Variants in DPP6 observed in about 807,000 individuals in gnomAD.
DPP6 encodes A-type potassium channel modulatory protein DPP6.
In DPP6, 69 loss-of-function variants were observed where a neutral mutation model predicts 122.6. That is an observed-to-expected ratio of 0.56 (90% CI 0.46 to 0.69). The LOEUF is 0.69. DPP6 is among the 30% of genes least tolerant of loss of function. The pLI is 0.00. For synonymous variants in DPP6, 418 were observed against 433.1 expected (o/e 0.97, Z 0.43); for missense variants, 928 against 1,116.9 (o/e 0.83, Z 2.41).
intron 1 of DPP6, among the ~76,000 whole-genome samples, chr7:154,320,001 AATATATATATATATAT>A (rs71182894): frequency 1.4e-5 from 2 of 139,314 alleles, no homozygotes; most frequent in East Asian, 4.3e-4. Context: ...AAATATTTCA[AATATATATATATATAT>A]ATATATATAT....
At chr7:154,799,950 A>G (rs1365954103) in intron 12 of DPP6, among the ~76,000 whole-genome samples, 1 of 152,246 alleles carries the variant, frequency 6.6e-6, no homozygotes, top group African/African-American at 2.4e-5. Context: ...TAGAGATGAC[A>G]TCACAACGGT....
chr7:154,700,674 C>T (rs988239208), intron 7 of DPP6, among the ~76,000 whole-genome samples: 1 of 152,130 alleles, frequency 6.6e-6, no homozygotes, highest in Non-Finnish European at 1.5e-5. Context: ...GTTGACCTAG[C>T]GAAGAAAATG....
At chr7:154,231,716 G>A (rs1252235713) in intron 1 of DPP6, among the ~76,000 whole-genome samples, 2 of 152,106 alleles carry the variant, frequency 1.3e-5, no homozygotes, top group African/African-American at 4.8e-5. Flanking sequence ...TCTCTCTCCT[G>A]GAGCACTTGC....
intron 5 of DPP6, among the ~76,000 whole-genome samples, chr7:154,629,728 C>T (rs930725003): frequency 2.0e-5 from 3 of 152,176 alleles, no homozygotes; most frequent in African/African-American, 4.8e-5. Context: ...AGTGGTGCTT[C>T]GAGCCCCTGC....
intron 1 of DPP6, among the ~76,000 whole-genome samples, chr7:154,364,263 A>G (rs924754355): frequency 6.6e-6 from 1 of 152,150 alleles, no homozygotes. Flanking sequence ...CCATACTCAC[A>G]TGGATGATGT....
chr7:154,081,704 A>G (rs1413314224), intron 1 of DPP6, among the ~76,000 whole-genome samples: 3 of 150,198 alleles, frequency 2.0e-5, no homozygotes, highest in East Asian at 2.0e-4. Context: ...GGAGAAACAT[A>G]TCTGCTAGAG....
intron 1 of DPP6, among the ~76,000 whole-genome samples, chr7:154,182,000 C>G (rs905412958): frequency 3.3e-5 from 5 of 152,086 alleles, no homozygotes; most frequent in Non-Finnish European, 5.9e-5. Context: ...GATCTGCCTG[C>G]TTTGGCATCC....
rs543370394 is a variant in DPP6 at position 154,893,468 on chromosome 7, A to G, written c.*988A>G. 7.8e-6 allele frequency: 1 copy of G among 128,316 alleles called. No homozygotes were observed. Among genetic ancestry groups the G allele is most frequent in the Non-Finnish European group, 1.9e-5 (1 of 53,962 alleles). 7.9% of individuals were successfully genotyped at this position (128,316 alleles called of 1,614,324 possible). A position where few individuals can be genotyped will look rare whatever the true frequency, so the allele number is the denominator to read the frequency against. ...CATTTGGTTTAAAAAAAAAAAAAAA[A>G]AAAAAAAAAAAACAGAAAAAAGACA... is the stretch of plus-strand genomic sequence containing the variant. On this transcript the variant is annotated 3_prime_UTR_variant, in exon 26 of 26. Transcript: ENST00000377770.
chr7:154,453,465 T>C (rs12703354), intron 2 of DPP6, among the ~76,000 whole-genome samples: 27,472 of 151,624 alleles, frequency 0.18, 2,994 homozygotes, highest in East Asian at 0.44. Flanking sequence ...TTTTTAAAAT[T>C]CTTGAACAAA....
At chr7:154,747,537 G>C (rs1313083160) in intron 8 of DPP6, among the ~76,000 whole-genome samples, 1 of 152,176 alleles carries the variant, frequency 6.6e-6, no homozygotes, top group Non-Finnish European at 1.5e-5. Flanking sequence ...CGACCTTGTG[G>C]GGTCATTGTG....
intron 1 of DPP6, among the ~76,000 whole-genome samples, chr7:153,980,384 G>A (rs192910504): frequency 5.6e-4 from 85 of 152,238 alleles, no homozygotes; most frequent in African/African-American, 2.0e-3. Context: ...TGTGGGATCA[G>A]TGTTGATATC....
chr7:154,790,203 CAT>C (rs750137031), intron 10 of DPP6, among the ~76,000 whole-genome samples: 8 of 152,264 alleles, frequency 5.3e-5, no homozygotes, highest in Admixed American at 4.6e-4. Context: ...GTCTAAAAAA[CAT>C]AAAAAATCAA....
chr7:153,830,912 C>T, the DPP6 span, among the ~76,000 whole-genome samples: 3 of 152,182 alleles, frequency 2.0e-5, no homozygotes, highest in African/African-American at 7.2e-5. Context: ...CCTAAGCAAG[C>T]TGTTCTGCAT....
chr7:153,883,413 G>A (rs563565575), upstream of DPP6, among the ~76,000 whole-genome samples: 4 of 149,316 alleles, frequency 2.7e-5, no homozygotes, highest in African/African-American at 9.9e-5. Flanking sequence ...ACAGAGTTTC[G>A]CTCTTGTTGC....
At chr7:154,806,424 AGTTCCCACTT>A (rs1210794370) in intron 15 of DPP6, among the ~76,000 whole-genome samples, 1 of 152,202 alleles carries the variant, frequency 6.6e-6, no homozygotes, top group Non-Finnish European at 1.5e-5. Context: ...TCTTCAAGCC[AGTTCCCACTT>A]GTGTAGCTCC....
At chr7:154,838,410 A>T (rs1285464762) in intron 16 of DPP6, 3 of 152,360 alleles carry the variant, frequency 2.0e-5, no homozygotes, top group Admixed American at 6.5e-5. Context: ...ATCGGGTTCC[A>T]TTGCCACATT....
rs11335725 is a variant in DPP6, at chr7:154,889,432, CTTTTTTTTTT to C, written c.2378-16_2378-7del. The C allele has an allele frequency of 4.0e-6, 6 of 1,494,596 alleles. No homozygotes were observed. Among genetic ancestry groups the C allele is most frequent in the Non-Finnish European group, 5.3e-6 (6 of 1,129,034 alleles). 92.6% of individuals were successfully genotyped at this position (1,494,596 alleles called of 1,614,324 possible). Reference sequence around the variant, plus strand: ...TGGGTTTTAACAAATGTCTTCCTCTCTTTTTTTTTTTTTTTTTTGCACAGAAAAAATTCAT... The same window carrying C: ...TGGGTTTTAACAAATGTCTTCCTCTCTTTTTTTTGCACAGAAAAAATTCAT... On this transcript the variant is annotated splice_polypyrimidine_tract_variant and intron_variant, in intron 24 of 25. Transcript: ENST00000377770.
At chr7:154,780,918 G>A (rs1446017017) in intron 10 of DPP6, among the ~76,000 whole-genome samples, 2 of 151,984 alleles carry the variant, frequency 1.3e-5, no homozygotes, top group East Asian at 1.9e-4. Context: ...GATGGGTAAG[G>A]GGATAGATAG....
intron 1 of DPP6, among the ~76,000 whole-genome samples, chr7:153,989,701 G>A (rs1231042133): frequency 6.6e-6 from 1 of 152,004 alleles, no homozygotes; most frequent in African/African-American, 2.4e-5. Flanking sequence ...AGAACACTGG[G>A]GATGCTTGGT....
Sources: gnomAD v4.1 joint callset for allele counts (sites outside exome capture counted in the v4.1 genomes callset) on GRCh38, gnomAD v4.1.1 for gene constraint, MANE v1.5 for transcripts, NCBI Gene and HGNC (gene_info 2026-07-23, HGNC 2026-07-21) for gene names.